ZNF410: variants seen among roughly 807,000 people sequenced by gnomAD.
ZNF410 encodes zinc finger protein 410.
Under a neutral mutation model 54.8 loss-of-function variants are expected in ZNF410, and 18 were observed. The ratio of observed to expected loss-of-function variants is 0.33; its 90% confidence interval spans 0.23 to 0.49. The LOEUF (loss-of-function observed/expected upper bound fraction) is 0.49. Among genes scored for constraint, ZNF410 ranks in the 20% least tolerant of loss-of-function variants. The pLI is 0.99. For synonymous variants in ZNF410, 191 were observed against 207.3 expected (o/e 0.92, Z 0.68); for missense variants, 405 against 569.6 (o/e 0.71, Z 2.94).
intron 11 of ZNF410, among the ~76,000 whole-genome samples, chr14:73,926,118 A>G (rs1005988910): frequency 2.0e-5 from 3 of 152,190 alleles, no homozygotes; most frequent in Admixed American, 6.5e-5. Flanking sequence ...ATGATGGAGT[A>G]TTTCAAAGCA....
chr14:73,907,054 A>G (rs906662586), intron 7 of ZNF410, among the ~76,000 whole-genome samples: 2 of 152,186 alleles, frequency 1.3e-5, no homozygotes, highest in African/African-American at 2.4e-5. Context: ...CCAACCACAT[A>G]TACATTATCT....
intron 11 of ZNF410, among the ~76,000 whole-genome samples, chr14:73,927,622 A>T (rs149741881): frequency 8.5e-5 from 13 of 152,136 alleles, no homozygotes; most frequent in Non-Finnish European, 1.9e-4. Context: ...GATGTATGAA[A>T]ATTTAATTCA....
intron 11 of ZNF410, 121 bp from the exon 12 acceptor site, chr14:73,931,382 T>C: frequency 1.3e-6 from 1 of 783,146 alleles, no homozygotes; most frequent in South Asian, 1.7e-5. Context: ...TGGAAGTAGA[T>C]AGCCTTCATT....
chr14:73,889,996 C>T (rs978976319), intron 1 of ZNF410, among the ~76,000 whole-genome samples: 9 of 151,916 alleles, frequency 5.9e-5, no homozygotes, highest in African/African-American at 2.2e-4. Flanking sequence ...GGAGTTGCAC[C>T]ATGTTGGCCA....
At chr14:73,921,502 G>A (rs1350422950) in intron 9 of ZNF410, among the ~76,000 whole-genome samples, 1 of 152,104 alleles carries the variant, frequency 6.6e-6, no homozygotes, top group Admixed American at 6.5e-5. Flanking sequence ...TTTTTAGATG[G>A]AGTCTTGCTT....
rs2055270139 is a variant in ZNF410, at chr14:73,893,923, A to T, written c.160A>T (p.Met54Leu). 7 of 1,609,180 alleles carry T rather than the reference A, an allele frequency of 4.4e-6. No homozygotes were observed. The highest frequency in any genetic ancestry group is 5.9e-6 in the Non-Finnish European group (7 of 1,178,674). Residue 54 changes from methionine to leucine, a missense_variant, in exon 3 of 12, where the codon ATG (methionine) becomes TTG (leucine). This residue lies in a region of ZNF410 where 247 missense variants were observed against 342.8 expected (regional missense o/e 0.72). Transcript: ENST00000555044. ...TGAAGCCTCAGAATGCAGTCGGCTA[A>T]TGTTACCAGGTAAAAATTAAGATCA... is the stretch of plus-strand genomic sequence containing the variant. ...VTEASECSRLMLPDDTTNHSN... is the reference protein window; with the variant it reads ...VTEASECSRLLLPDDTTNHSN...
chr14:73,899,431 A>G (rs1207900680), intron 5 of ZNF410, among the ~76,000 whole-genome samples: 1 of 152,050 alleles, frequency 6.6e-6, no homozygotes, highest in Non-Finnish European at 1.5e-5. Flanking sequence ...TTTGTTTTCA[A>G]AATACTTAGT....
intron 2 of ZNF410, 70 bp downstream of exon 2, chr14:73,892,278 G>T: frequency 1.3e-6 from 2 of 1,532,296 alleles, no homozygotes; most frequent in East Asian, 2.3e-5. Context: ...CAGTTTAGGG[G>T]GTCAGCAAAC....
chr14:73,919,989 A>G (rs1029198784), intron 8 of ZNF410, among the ~76,000 whole-genome samples: 2 of 125,676 alleles, frequency 1.6e-5, no homozygotes, highest in African/African-American at 6.1e-5. Context: ...TCCAGTATTT[A>G]GCCATTTAAA....
chr14:73,891,107 TG>T (rs2055222914), intron 1 of ZNF410, among the ~76,000 whole-genome samples: 5 of 151,920 alleles, frequency 3.3e-5, no homozygotes, highest in Non-Finnish European at 5.9e-5. Flanking sequence ...TTTTTTTAAA[TG>T]TAATTTTAAA....
chr14:73,902,811 A>G (rs911027112), intron 5 of ZNF410, among the ~76,000 whole-genome samples: 3 of 152,212 alleles, frequency 2.0e-5, no homozygotes, highest in African/African-American at 7.2e-5. Flanking sequence ...ATTTTTAAGT[A>G]ACTGATTTTG....
intron 5 of ZNF410, among the ~76,000 whole-genome samples, chr14:73,900,399 G>A (rs1020231172): frequency 7.0e-6 from 1 of 143,320 alleles, no homozygotes; most frequent in African/African-American, 2.6e-5. Flanking sequence ...TTTTGAGACC[G>A]AGTCTCAGTC....
At chr14:73,904,599 A>C (rs555226808) in intron 6 of ZNF410, among the ~76,000 whole-genome samples, 10 of 152,216 alleles carry the variant, frequency 6.6e-5, no homozygotes, top group African/African-American at 1.9e-4. Context: ...TTGGGATTAC[A>C]GGCTTGCACC....
chr14:73,929,183 C>T (rs1338484158), intron 11 of ZNF410, among the ~76,000 whole-genome samples: 2 of 152,090 alleles, frequency 1.3e-5, no homozygotes, highest in Non-Finnish European at 2.9e-5. Flanking sequence ...CATTATTCTC[C>T]TCCTCGTATC....
intron 11 of ZNF410, chr14:73,924,683 CTTTTT>C (rs71305806): frequency 1.0e-5 from 4 of 388,070 alleles, no homozygotes; most frequent in South Asian, 1.9e-5. Flanking sequence ...CTTTTCTTTT[CTTTTT>C]TTTTTTGAGA....
At chr14:73,892,266 T>G in intron 2 of ZNF410, 58 bp downstream of exon 2, 1 of 1,594,260 alleles carries the variant, frequency 6.3e-7, no homozygotes, top group Non-Finnish European at 8.6e-7. Context: ...AAAGTTTATC[T>G]TCAGTTTAGG....
At chr14:73,902,510 G>C (rs1401593107) in intron 5 of ZNF410, among the ~76,000 whole-genome samples, 1 of 152,154 alleles carries the variant, frequency 6.6e-6, no homozygotes, top group Non-Finnish European at 1.5e-5. Flanking sequence ...ATTTGGTAAA[G>C]TATAGCAAGG....
rs762073786 is a variant in ZNF410 at position 73,905,091 on chromosome 14, C to T, written c.913+8C>T. ...ACCGGCGCATCCACACAGGTGTGTG[C>T]AGCACCAACATTCCTTTGGGCAGTC... On this transcript the variant is annotated splice_region_variant and intron_variant, in intron 7 of 11. Transcript: ENST00000555044. The T allele has an allele frequency of 3.1e-6, 5 of 1,610,886 alleles. No individual in the cohort carries two copies. The South Asian group carries it at 5.5e-5, about 18-fold the overall frequency.
At chr14:73,894,035 G>A in intron 3 of ZNF410, 103 bp downstream of exon 3, 2 of 1,432,178 alleles carry the variant, frequency 1.4e-6, no homozygotes, top group Non-Finnish European at 1.9e-6. Context: ...CTGACTGGTG[G>A]AAACTGTAAA....
Sources: gnomAD v4.1 joint callset for allele counts (sites outside exome capture counted in the v4.1 genomes callset) on GRCh38, gnomAD v4.1.1 for gene constraint, gnomAD v4.1.1 regional missense constraint, MANE v1.5 for transcripts, NCBI Gene and HGNC (gene_info 2026-07-23, HGNC 2026-07-21) for gene names.